UVRAG: variants seen among roughly 807,000 people sequenced by gnomAD.
UVRAG encodes UV radiation resistance associated.
Under a neutral mutation model 78.0 loss-of-function variants are expected in UVRAG, and 19 were observed. The ratio of observed to expected loss-of-function variants is 0.24; its 90% CI spans 0.17 to 0.36. UVRAG has a LOEUF of 0.36. UVRAG is among the 10% of genes least tolerant of loss of function. The probability of loss-of-function intolerance (pLI) is 1.00; values close to 1 mark genes in which losing one functional copy is unlikely to be tolerated. For synonymous variants in UVRAG, 323 were observed against 324.6 expected (o/e 1.00, Z 0.05); for missense variants, 740 against 853.8 (o/e 0.87, Z 1.66).
At chr11:76,121,433 TC>T (rs1296634457) in intron 14 of UVRAG, among the ~76,000 whole-genome samples, 1 of 152,368 alleles carries the variant, frequency 6.6e-6, no homozygotes, top group African/African-American at 2.4e-5. Flanking sequence ...CATTTAAACA[TC>T]CTAGTTTTCT....
At chr11:75,856,255 G>A (rs567940921) in intron 2 of UVRAG, among the ~76,000 whole-genome samples, 154 of 152,158 alleles carry the variant, frequency 1.0e-3, no homozygotes, top group African/African-American at 3.4e-3. Context: ...CGCCTGCCTC[G>A]GCCTCCAAAA....
At chr11:76,091,667 C>G (rs1440527472) in intron 13 of UVRAG, among the ~76,000 whole-genome samples, 3 of 151,844 alleles carry the variant, frequency 2.0e-5, no homozygotes, top group Non-Finnish European at 4.4e-5. Flanking sequence ...TCTAAGAGTT[C>G]TTTTTCTCTG....
At chr11:75,994,846 A>G (rs532020099) in intron 8 of UVRAG, among the ~76,000 whole-genome samples, 1 of 152,284 alleles carries the variant, frequency 6.6e-6, no homozygotes, top group African/African-American at 2.4e-5. Context: ...TAGCTAGAGA[A>G]CTTTGTTTTG....
At chr11:75,971,991 A>G (rs930474141) in intron 7 of UVRAG, among the ~76,000 whole-genome samples, 2 of 151,920 alleles carry the variant, frequency 1.3e-5, no homozygotes, top group Non-Finnish European at 2.9e-5. Flanking sequence ...GTGCCCAGCC[A>G]GGGTTGTTTG....
chr11:76,057,726 T>C (rs570407358), intron 12 of UVRAG, among the ~76,000 whole-genome samples: 49 of 150,908 alleles, frequency 3.2e-4, no homozygotes, highest in South Asian at 1.7e-3. Context: ...TTTTTTTTTT[T>C]CCCCCTCTTT....
Position 76,015,928 on chromosome 11 carries a change from G to A in UVRAG, c.1061-887G>A, listed in dbSNP as rs375590703. Among the ~76,000 whole-genome samples, 11 of 152,306 alleles carry A rather than the reference G, an allele frequency of 7.2e-5. No homozygotes were observed. In the South Asian group the frequency reaches 1.0e-3, roughly 14 times the overall value. ...TGTTTTAGTGTATGAGTGCACACAC[G>A]TGCACTTGTGCACTTTTAAAAGCAT... On this transcript the variant is annotated intron_variant, in intron 11 of 14. Coordinates refer to ENST00000356136, the MANE Select transcript of UVRAG (RefSeq NM_003369.4).
At chr11:75,880,753 C>T (rs2134884631) in intron 4 of UVRAG, among the ~76,000 whole-genome samples, 1 of 151,338 alleles carries the variant, frequency 6.6e-6, no homozygotes, top group South Asian at 2.1e-4. Context: ...CAGGGTTTCT[C>T]CATGTTGGCC....
At chr11:76,064,217 G>A (rs1417660942) in intron 12 of UVRAG, among the ~76,000 whole-genome samples, 3 of 152,200 alleles carry the variant, frequency 2.0e-5, no homozygotes, top group Non-Finnish European at 4.4e-5. Flanking sequence ...AATAGAGATA[G>A]CTATGGGTTT....
intron 12 of UVRAG, among the ~76,000 whole-genome samples, chr11:76,060,521 C>T (rs1231741442): frequency 6.6e-6 from 1 of 152,260 alleles, no homozygotes; most frequent in Non-Finnish European, 1.5e-5. Flanking sequence ...CTGGGCTGGC[C>T]AAGGCCGGAG....
At chr11:75,923,423 A>C (rs1171559785) in intron 6 of UVRAG, among the ~76,000 whole-genome samples, 2 of 152,200 alleles carry the variant, frequency 1.3e-5, no homozygotes, top group Non-Finnish European at 2.9e-5. Flanking sequence ...TGAATTGTGA[A>C]GCTTTCCATC....
chr11:75,950,963 T>TACACACAC lies in UVRAG; in HGVS notation c.594-10447_594-10440dup, dbSNP rs35864936. On this transcript the variant is annotated intron_variant, in intron 6 of 14. Coordinates refer to ENST00000356136, the MANE Select transcript of UVRAG (RefSeq NM_003369.4). ...TTGGATAGAAGTCCTTTGTCAGGTGTACACACACACACACACACACACACA... is the reference window on the plus strand; with the variant it reads ...TTGGATAGAAGTCCTTTGTCAGGTGTACACACACACACACACACACACACACACACACA... Among the ~76,000 whole-genome samples the TACACACAC allele has an allele frequency of 8.1e-3, 1,134 of 140,020 alleles. 14 individuals carry two copies. The highest frequency in any genetic ancestry group is 0.024 in the African/African-American group (902 of 38,076). 91.9% of individuals were successfully genotyped at this position (140,020 alleles called of 152,430 possible). A position where few individuals can be genotyped will look rare whatever the true frequency, so the allele number is the denominator to read the frequency against.
At chr11:75,934,604 A>C (rs1387772068) in intron 6 of UVRAG, among the ~76,000 whole-genome samples, 1 of 152,206 alleles carries the variant, frequency 6.6e-6, no homozygotes, top group African/African-American at 2.4e-5. Flanking sequence ...ATCCAAATTT[A>C]TCATGTAGTC....
intron 4 of UVRAG, among the ~76,000 whole-genome samples, chr11:75,887,906 T>TC (rs113631241): frequency 0.1 from 15,675 of 152,168 alleles, 1,554 homozygotes; most frequent in African/African-American, 0.26. Flanking sequence ...AAAGTTTTAT[T>TC]CTTCCACCTT....
chr11:76,095,482 A>G (rs1341421568), intron 13 of UVRAG, among the ~76,000 whole-genome samples: 1 of 151,408 alleles, frequency 6.6e-6, no homozygotes, highest in Non-Finnish European at 1.5e-5. Context: ...ATGTAAAAAA[A>G]TTTGTGATAT....
At chr11:76,087,192 G>A (rs1951603174) in intron 13 of UVRAG, among the ~76,000 whole-genome samples, 1 of 152,198 alleles carries the variant, frequency 6.6e-6, no homozygotes, top group Non-Finnish European at 1.5e-5. Flanking sequence ...GTGAATGTGT[G>A]TGTAGGTACA....
intron 6 of UVRAG, among the ~76,000 whole-genome samples, chr11:75,929,773 T>TTAA (rs1948194982): frequency 6.6e-6 from 1 of 152,170 alleles, no homozygotes; most frequent in African/African-American, 2.4e-5. Flanking sequence ...GGGGCAGGTG[T>TTAA]TAAATTTATA....
At chr11:75,896,019 A>G (rs376807137) in intron 5 of UVRAG, among the ~76,000 whole-genome samples, 1 of 152,370 alleles carries the variant, frequency 6.6e-6, no homozygotes, top group East Asian at 1.9e-4. Context: ...TCCAGAAGAC[A>G]TGCAGTTTAC....
chr11:75,950,239 A>G (rs1948665034), intron 6 of UVRAG, among the ~76,000 whole-genome samples: 1 of 152,112 alleles, frequency 6.6e-6, no homozygotes, highest in Admixed American at 6.6e-5. Flanking sequence ...TTTTGTGGTC[A>G]TGTGCTTTCT....
intron 6 of UVRAG, among the ~76,000 whole-genome samples, chr11:75,919,919 A>G (rs1240470285): frequency 6.6e-6 from 1 of 151,822 alleles, no homozygotes; most frequent in Non-Finnish European, 1.5e-5. Context: ...TAAAATAGAA[A>G]AGTGTAATTA....
Sources: allele counts gnomAD v4.1 joint callset (sites outside exome capture counted in the v4.1 genomes callset), GRCh38; gene constraint gnomAD v4.1.1; transcripts MANE v1.5; gene names NCBI Gene and HGNC (gene_info 2026-07-23, HGNC 2026-07-21).